Variants in CDPF1 observed in about 807,000 individuals in gnomAD.
The protein encoded by CDPF1 is cysteine-rich DPF motif domain-containing protein 1.
Under a neutral mutation model 8.3 loss-of-function variants are expected in CDPF1, and 8 were observed. That is an observed-to-expected ratio of 0.96 (90% CI 0.57 to 1.74). CDPF1 has a LOEUF of 1.74. Ranked by LOEUF, CDPF1 falls within the 40% of genes most tolerant of loss-of-function variation. The pLI is 0.00. For synonymous variants in CDPF1, 62 were observed against 62.9 expected (o/e 0.99, Z 0.07); for missense variants, 151 against 155.3 (o/e 0.97, Z 0.15).
chr22:46,244,756 C>A lies in CDPF1; in HGVS notation c.*336G>T, dbSNP rs1240829919. On this transcript the variant is annotated 3_prime_UTR_variant, in exon 4 of 4. Coordinates refer to ENST00000314567, the MANE Select transcript of CDPF1 (RefSeq NM_207327.5). The surrounding 1 kb of genome is among the most constrained non-coding windows in gnomAD (Gnocchi z 6.7). ...CCCCCCACACGCACCTGCACGCAGCCTCTTAGGAGCTGCCCTGCTGAAGGA... is the reference window on the plus strand; with the variant it reads ...CCCCCCACACGCACCTGCACGCAGCATCTTAGGAGCTGCCCTGCTGAAGGA... The A allele has an allele frequency of 7.1e-6, 2 of 282,428 alleles. No homozygotes were observed. Among genetic ancestry groups the A allele is most frequent in the Non-Finnish European group, 1.4e-5 (2 of 145,996 alleles). 17.5% of individuals were successfully genotyped at this position (282,428 alleles called of 1,614,324 possible). A position where few individuals can be genotyped will look rare whatever the true frequency, so the allele number is the denominator to read the frequency against.
Position 46,249,961 on chromosome 22 carries a change from T to C in CDPF1, c.-1+295A>G, listed in dbSNP as rs1375977396. 6.6e-6 allele frequency among the ~76,000 whole-genome samples: 1 copy of C among 152,214 alleles called. No individual in the cohort carries two copies. The highest frequency in any genetic ancestry group is 6.5e-5 in the Admixed American group (1 of 15,292). ...TGCCGAGGCTCCTGGGGGCGGTGCC[T>C]GTGAACAGGGACGGCTGAGAGGGTC... On this transcript the variant is annotated intron_variant, in intron 1 of 3. Coordinates refer to ENST00000314567, the MANE Select transcript of CDPF1 (RefSeq NM_207327.5). The surrounding 1 kb of genome is among the most constrained non-coding windows in gnomAD (Gnocchi z 4.6).
Position 46,248,375 on chromosome 22 carries a change from T to C in CDPF1, c.1-91A>G. On this transcript the variant is annotated intron_variant, in intron 1 of 3. Coordinates refer to ENST00000314567, the MANE Select transcript of CDPF1 (RefSeq NM_207327.5). The surrounding 1 kb of genome is among the most constrained non-coding windows in gnomAD (Gnocchi z 4.1). ...AGCTATGAAGACCCTAACCATATAG[T>C]CCTAGCACAGTTTCTTGCCTCCCTA... is the stretch of plus-strand genomic sequence containing the variant. 4 of 754,962 alleles carry C rather than the reference T, an allele frequency of 5.3e-6. No homozygotes were observed. The highest frequency in any genetic ancestry group is 9.0e-6 in the Non-Finnish European group (4 of 446,568). 46.8% of individuals were successfully genotyped at this position (754,962 alleles called of 1,614,324 possible). A position where few individuals can be genotyped will look rare whatever the true frequency, so the allele number is the denominator to read the frequency against.
Position 46,246,540 on chromosome 22 carries a change from G to A in CDPF1, c.225+570C>T, listed in dbSNP as rs558750349. On this transcript the variant is annotated intron_variant, in intron 3 of 3. Transcript: ENST00000314567. This position sits in a 1 kb window ranked among gnomAD's most constrained non-coding sequence, Gnocchi z 7.1. ...GGGTCACTCTGAGTACACTGGGCAC[G>A]CTGTGAAAGCCATGCTGCTCCACTT... 44 of 1,106,310 alleles carry A rather than the reference G, an allele frequency of 4.0e-5. No homozygotes were observed. Among genetic ancestry groups the A allele is most frequent in the African/African-American group, 4.7e-5 (3 of 63,606 alleles). The allele number at this position is 1,106,310 out of a possible 1,614,324, so 68.5% of individuals were successfully genotyped here. A position where few individuals can be genotyped will look rare whatever the true frequency, so the allele number is the denominator to read the frequency against.
chr22:46,246,987 G>A lies in CDPF1; in HGVS notation c.225+123C>T. Reference sequence around the variant, plus strand: ...CTCTCACCTCTCCCCTTCATCAGCTGAGGGGCCCCATCTATAATGGGGTGA... The same window carrying A: ...CTCTCACCTCTCCCCTTCATCAGCTAAGGGGCCCCATCTATAATGGGGTGA... On this transcript the variant is annotated intron_variant, in intron 3 of 3. Transcript: ENST00000314567. This position sits in a 1 kb window ranked among gnomAD's most constrained non-coding sequence, Gnocchi z 7.1. 8.1e-7 allele frequency: 1 copy of A among 1,240,836 alleles called. No individual in the cohort carries two copies. The highest frequency in any genetic ancestry group is 1.1e-6 in the Non-Finnish European group (1 of 885,292). 76.9% of individuals were successfully genotyped at this position (1,240,836 alleles called of 1,614,324 possible).
chr22:46,247,551 C>T lies in CDPF1; in HGVS notation c.114-330G>A, dbSNP rs1201142048. Among the ~76,000 whole-genome samples, 1 of 152,192 alleles carries T rather than the reference C, an allele frequency of 6.6e-6. No individual in the cohort carries two copies. The highest frequency in any genetic ancestry group is 6.5e-5 in the Admixed American group (1 of 15,286). On this transcript the variant is annotated intron_variant, in intron 2 of 3. Transcript: ENST00000314567. The surrounding 1 kb of genome is among the most constrained non-coding windows in gnomAD (Gnocchi z 4.3). Reference sequence around the variant, plus strand: ...GATTCACCACAGTGGGGGCACAAGGCTGCCACCTGAATACCCCAGGCCTCC... The same window carrying T: ...GATTCACCACAGTGGGGGCACAAGGTTGCCACCTGAATACCCCAGGCCTCC...
Position 46,247,851 on chromosome 22 carries a change from C to T in CDPF1, c.113+321G>A, listed in dbSNP as rs1228872711. On this transcript the variant is annotated intron_variant, in intron 2 of 3. Coordinates refer to ENST00000314567, the MANE Select transcript of CDPF1 (RefSeq NM_207327.5). This position sits in a 1 kb window ranked among gnomAD's most constrained non-coding sequence, Gnocchi z 4.3. ...CTCTAATCCAGGTCTGCAGGGGAGACAGGCCTCCCATTAAGAAAGTGTCAT... is the reference window on the plus strand; with the variant it reads ...CTCTAATCCAGGTCTGCAGGGGAGATAGGCCTCCCATTAAGAAAGTGTCAT... Among the ~76,000 whole-genome samples, 1 of 152,238 alleles carries T rather than the reference C, an allele frequency of 6.6e-6. No individual in the cohort carries two copies.
rs780892131 is a variant in CDPF1 at position 46,245,013 on chromosome 22, A to G, written c.*79T>C. 6.4e-7 allele frequency: 1 copy of G among 1,550,810 alleles called. No individual in the cohort carries two copies. The highest frequency in any genetic ancestry group is 2.2e-5 in the East Asian group (1 of 44,458). ...AACAAGGCCAGGCATGGCGGCTCCC[A>G]GCTCAGCAGCATCCCTGGCGCAGGC... On this transcript the variant is annotated 3_prime_UTR_variant, in exon 4 of 4. Coordinates refer to ENST00000314567, the MANE Select transcript of CDPF1 (RefSeq NM_207327.5). This position sits in a 1 kb window ranked among gnomAD's most constrained non-coding sequence, Gnocchi z 6.9.
rs545996844 is a variant in CDPF1, at chr22:46,245,784, C to T, written c.226-546G>A. Among the ~76,000 whole-genome samples the T allele has an allele frequency of 6.2e-4, 94 of 152,232 alleles. No homozygotes were observed. The highest frequency in any genetic ancestry group is 1.0e-3 in the Admixed American group (16 of 15,290). On this transcript the variant is annotated intron_variant, in intron 3 of 3. Coordinates refer to ENST00000314567, the MANE Select transcript of CDPF1 (RefSeq NM_207327.5). This position sits in a 1 kb window ranked among gnomAD's most constrained non-coding sequence, Gnocchi z 6.9. ...GTGCACAGCACGTGGCTAAGGATGACATTCCCCAGCCCCCTCTGTAACTGG... is the reference window on the plus strand; with the variant it reads ...GTGCACAGCACGTGGCTAAGGATGATATTCCCCAGCCCCCTCTGTAACTGG...
chr22:46,244,815 C>T lies in CDPF1; in HGVS notation c.*277G>A, dbSNP rs1248560501. On this transcript the variant is annotated 3_prime_UTR_variant, in exon 4 of 4. Coordinates refer to ENST00000314567, the MANE Select transcript of CDPF1 (RefSeq NM_207327.5). This position sits in a 1 kb window ranked among gnomAD's most constrained non-coding sequence, Gnocchi z 6.7. ...CTCTCAGTCACATCTGAGCAGCACT[C>T]ACTCAGGCCTGGGCCCTGAGGGGCA... is the stretch of plus-strand genomic sequence containing the variant. The T allele has an allele frequency of 2.3e-6, 1 of 428,038 alleles. No homozygotes were observed. Among genetic ancestry groups the T allele is most frequent in the African/African-American group, 2.0e-5 (1 of 49,958 alleles). The allele number at this position is 428,038 out of a possible 1,614,324, so 26.5% of individuals were successfully genotyped here. A position where few individuals can be genotyped will look rare whatever the true frequency, so the allele number is the denominator to read the frequency against.
Position 46,247,403 on chromosome 22 carries a change from T to G in CDPF1, c.114-182A>C, listed in dbSNP as rs1393046575. Reference sequence around the variant, plus strand: ...GGGCAGTGACAGAAAGGATCAGCAATTGGGGGCCACACTGGCACTGAAATT... The same window carrying G: ...GGGCAGTGACAGAAAGGATCAGCAAGTGGGGGCCACACTGGCACTGAAATT... On this transcript the variant is annotated intron_variant, in intron 2 of 3. Transcript: ENST00000314567. This position sits in a 1 kb window ranked among gnomAD's most constrained non-coding sequence, Gnocchi z 4.3. Among the ~76,000 whole-genome samples the G allele has an allele frequency of 6.6e-6, 1 of 152,070 alleles. No individual in the cohort carries two copies. Among genetic ancestry groups the G allele is most frequent in the African/African-American group, 2.4e-5 (1 of 41,408 alleles).
rs993397235 is a variant in CDPF1, at chr22:46,247,580, C to T, written c.114-359G>A. Among the ~76,000 whole-genome samples, 2 of 151,748 alleles carry T rather than the reference C, an allele frequency of 1.3e-5. No individual in the cohort carries two copies. Among genetic ancestry groups the T allele is most frequent in the Non-Finnish European group, 2.9e-5 (2 of 67,922 alleles). On this transcript the variant is annotated intron_variant, in intron 2 of 3. Coordinates refer to ENST00000314567, the MANE Select transcript of CDPF1 (RefSeq NM_207327.5). The surrounding 1 kb of genome is among the most constrained non-coding windows in gnomAD (Gnocchi z 4.3). The stretch of plus-strand genomic sequence containing the variant: ...CACCTGAATACCCCAGGCCTCCCTA[C>T]ACCCCAAGCCACACCCTCACAGCCC...
Position 46,244,808 on chromosome 22 carries a change from C to A in CDPF1, c.*284G>T. ...GTCATCCCTCTCAGTCACATCTGAG[C>A]AGCACTCACTCAGGCCTGGGCCCTG... On this transcript the variant is annotated 3_prime_UTR_variant, in exon 4 of 4. Coordinates refer to ENST00000314567, the MANE Select transcript of CDPF1 (RefSeq NM_207327.5). The surrounding 1 kb of genome is among the most constrained non-coding windows in gnomAD (Gnocchi z 6.7). The A allele has an allele frequency of 2.4e-6, 1 of 410,308 alleles. No individual in the cohort carries two copies. The highest frequency in any genetic ancestry group is 4.5e-6 in the Non-Finnish European group (1 of 219,994). The allele number at this position is 410,308 out of a possible 1,614,324, so 25.4% of individuals were successfully genotyped here.
rs917908271 is a variant in CDPF1 at position 46,244,041 on chromosome 22, A to T, written c.*1051T>A. Reference sequence around the variant, plus strand: ...ACAAGTCAGTAAAAACTCTTTATTCATTCCTTCATGTGACAGTTGGCCTTG... The same window carrying T: ...ACAAGTCAGTAAAAACTCTTTATTCTTTCCTTCATGTGACAGTTGGCCTTG... On this transcript the variant is annotated 3_prime_UTR_variant, in exon 4 of 4. Coordinates refer to ENST00000314567, the MANE Select transcript of CDPF1 (RefSeq NM_207327.5). This position sits in a 1 kb window ranked among gnomAD's most constrained non-coding sequence, Gnocchi z 6.7. The T allele has an allele frequency of 2.6e-5, 4 of 152,196 alleles. No individual in the cohort carries two copies. Among genetic ancestry groups the T allele is most frequent in the African/African-American group, 9.7e-5 (4 of 41,432 alleles). 9.4% of individuals were successfully genotyped at this position (152,196 alleles called of 1,614,324 possible).
rs1467487458 is a variant in CDPF1, at chr22:46,246,730, G to T, written c.225+380C>A. The T allele has an allele frequency of 6.2e-7, 1 of 1,602,060 alleles. No homozygotes were observed. Among genetic ancestry groups the T allele is most frequent in the Non-Finnish European group, 8.5e-7 (1 of 1,174,796 alleles). On this transcript the variant is annotated intron_variant, in intron 3 of 3. Transcript: ENST00000314567. This position sits in a 1 kb window ranked among gnomAD's most constrained non-coding sequence, Gnocchi z 7.1. ...GCAGTAAAACAGGTCCCAAGCACAG[G>T]ACCTGGCACACAACAAGTGCTCATG...
rs1936454268 is a variant in CDPF1 at position 46,244,480 on chromosome 22, T to A, written c.*612A>T. The A allele has an allele frequency of 6.6e-6, 1 of 152,310 alleles. No individual in the cohort carries two copies. The highest frequency in any genetic ancestry group is 2.1e-4 in the South Asian group (1 of 4,840). The allele number at this position is 152,310 out of a possible 1,614,324, so 9.4% of individuals were successfully genotyped here. On this transcript the variant is annotated 3_prime_UTR_variant, in exon 4 of 4. Coordinates refer to ENST00000314567, the MANE Select transcript of CDPF1 (RefSeq NM_207327.5). This position sits in a 1 kb window ranked among gnomAD's most constrained non-coding sequence, Gnocchi z 6.7. ...AAGTGTCCAGGGAGAACGTCGGGTA[T>A]CCAAATGTTTCAGTGGAAGATTCCT...
In CDPF1 at chr22:46,246,118, C is replaced by T. The variant is rs2147765001; in HGVS notation, c.226-880G>A. 1.3e-5 allele frequency among the ~76,000 whole-genome samples: 2 copies of T among 152,316 alleles called. 1 individual carries two copies. On this transcript the variant is annotated intron_variant, in intron 3 of 3. Transcript: ENST00000314567. This position sits in a 1 kb window ranked among gnomAD's most constrained non-coding sequence, Gnocchi z 7.1. ...CTGTCTGTTCTTAAAGCTTAGTGTG[C>T]TCGCAAACATAAGGCTGCCCTCCTG... is the stretch of plus-strand genomic sequence containing the variant.
In CDPF1 at chr22:46,246,215, G is replaced by A. The variant is rs1244264985; in HGVS notation, c.225+895C>T. Among the ~76,000 whole-genome samples, 2 of 152,192 alleles carry A rather than the reference G, an allele frequency of 1.3e-5. No individual in the cohort carries two copies. Among genetic ancestry groups the A allele is most frequent in the Non-Finnish European group, 2.9e-5 (2 of 68,024 alleles). ...ACCTACTGTTTAAACAAAGAAAGCT[G>A]CAGACTTGTGGTACCTGCGTGCGCC... On this transcript the variant is annotated intron_variant, in intron 3 of 3. Coordinates refer to ENST00000314567, the MANE Select transcript of CDPF1 (RefSeq NM_207327.5). The surrounding 1 kb of genome is among the most constrained non-coding windows in gnomAD (Gnocchi z 7.1).
rs1936499045 is a variant in CDPF1 at position 46,246,930 on chromosome 22, G to C, written c.225+180C>G. 1 of 1,417,076 alleles carries C rather than the reference G, an allele frequency of 7.1e-7. No homozygotes were observed. The highest frequency in any genetic ancestry group is 1.4e-5 in the African/African-American group (1 of 70,062). The allele number at this position is 1,417,076 out of a possible 1,614,324, so 87.8% of individuals were successfully genotyped here. ...ATTACCTATTTCCATTCCTACACCA[G>C]GCTGAGACCCTCTAACTGACCCTAG... is the stretch of plus-strand genomic sequence containing the variant. On this transcript the variant is annotated intron_variant, in intron 3 of 3. Transcript: ENST00000314567. The surrounding 1 kb of genome is among the most constrained non-coding windows in gnomAD (Gnocchi z 7.1).
chr22:46,249,060 T>C lies in CDPF1; in HGVS notation c.1-776A>G, dbSNP rs1044006740. 9.9e-5 allele frequency among the ~76,000 whole-genome samples: 15 copies of C among 151,966 alleles called. No individual in the cohort carries two copies. The highest frequency in any genetic ancestry group is 3.9e-4 in the Admixed American group (6 of 15,260). ...AAAACTGTTTTCTTATCTGCTTGTA[T>C]GGAACCCCCTTCTCATGTTCATGGT... is the stretch of plus-strand genomic sequence containing the variant. On this transcript the variant is annotated intron_variant, in intron 1 of 3. Coordinates refer to ENST00000314567, the MANE Select transcript of CDPF1 (RefSeq NM_207327.5). This position sits in a 1 kb window ranked among gnomAD's most constrained non-coding sequence, Gnocchi z 4.6.
Sources: gnomAD v4.1 joint callset for allele counts (sites outside exome capture counted in the v4.1 genomes callset) on GRCh38, gnomAD v4.1.1 for gene constraint, Gnocchi (gnomAD v3.1) non-coding constraint, MANE v1.5 for transcripts, NCBI Gene and HGNC (gene_info 2026-07-23, HGNC 2026-07-21) for gene names.